The following AMPD3 variants were observed in gnomAD, a reference collection of about 807,000 sequenced individuals.
AMPD3 encodes the protein adenosine monophosphate deaminase 3.
Under a neutral mutation model 82.3 loss-of-function variants are expected in AMPD3, and 57 were observed. The observed-to-expected ratio is 0.69, with a 90% CI of 0.56 to 0.86. The LOEUF (loss-of-function observed/expected upper bound fraction) is 0.86, where lower values mean the gene tolerates loss of function less well. AMPD3 is among the 40% of genes least tolerant of loss of function. The probability of loss-of-function intolerance (pLI) is 0.00; values close to 1 mark genes in which losing one functional copy is unlikely to be tolerated. For synonymous variants in AMPD3, 381 were observed against 394.7 expected (o/e 0.97, Z 0.41); for missense variants, 870 against 1,003.8 (o/e 0.87, Z 1.80).
chr11:10,458,307 C>G, intron 1 of AMPD3, among the ~76,000 whole-genome samples: 1 of 142,956 alleles, frequency 7.0e-6, no homozygotes, highest in Admixed American at 7.2e-5. Context: ...CTCCCTCCCT[C>G]CCTCCCTTCG....
intron 1 of AMPD3, among the ~76,000 whole-genome samples, chr11:10,459,135 C>T (rs1045254510): frequency 2.6e-5 from 4 of 152,158 alleles, no homozygotes; most frequent in South Asian, 2.1e-4. Flanking sequence ...GGCCAGGCCT[C>T]GCTGTCTTGA....
chr11:10,488,458 G>A, intron 6 of AMPD3: 1 of 931,182 alleles, frequency 1.1e-6, no homozygotes, highest in South Asian at 5.0e-5. Context: ...CAGGAGGGAG[G>A]GATGGTATGA....
At chr11:10,459,266 C>T (rs1018117723) in intron 1 of AMPD3, among the ~76,000 whole-genome samples, 4 of 152,150 alleles carry the variant, frequency 2.6e-5, no homozygotes, top group African/African-American at 9.7e-5. Context: ...AGACCTCACT[C>T]TGATTGCCTG....
At chr11:10,492,049 G>A (rs1276875457) in intron 6 of AMPD3, among the ~76,000 whole-genome samples, 2 of 152,214 alleles carry the variant, frequency 1.3e-5, no homozygotes, top group Admixed American at 6.5e-5. Flanking sequence ...CTGGTAGTGA[G>A]GATGAGCTGA....
chr11:10,498,081 A>G (rs113587218), intron 10 of AMPD3, among the ~76,000 whole-genome samples: 1 of 152,252 alleles, frequency 6.6e-6, no homozygotes, highest in African/African-American at 2.4e-5. Context: ...AGGCAGGCTG[A>G]CTCCAGCGAT....
intron 13 of AMPD3, 25 bp from the exon 14 acceptor site, chr11:10,504,524 C>T (rs1449073911): frequency 1.9e-6 from 3 of 1,592,852 alleles, no homozygotes; most frequent in East Asian, 2.2e-5. Context: ...CCCTTCTAAT[C>T]CACATGCTTT....
At chr11:10,485,208 C>T (rs1387187695) in intron 5 of AMPD3, among the ~76,000 whole-genome samples, 169 bp downstream of exon 5, 8 of 152,138 alleles carry the variant, frequency 5.3e-5, no homozygotes, top group Admixed American at 4.6e-4. Flanking sequence ...CAACAGTTTT[C>T]CTTCATAAGC....
intron 5 of AMPD3, chr11:10,486,678 C>G: frequency 1.0e-6 from 1 of 985,404 alleles, no homozygotes; most frequent in Non-Finnish European, 1.2e-6. Flanking sequence ...GCCATTAGGT[C>G]AGGGGGCTGG....
Position 10,484,904 on chromosome 11 carries a change from AG to A in AMPD3, c.680del (p.Gly227AlafsTer32). ...AACCTGGATTACTTGGTCCACATGCAGGGGGGCATCCTCTTTGTGTATGATA... is the reference window on the plus strand; with the variant it reads ...AACCTGGATTACTTGGTCCACATGCAGGGGGCATCCTCTTTGTGTATGATA... Reference protein sequence around the residue: ...PPNLDYLVHMQGGILFVYDNK... With the variant: ...PPNLDYLVHMXGGILFVYDNK... On this transcript the variant is annotated frameshift_variant, in exon 5 of 15. Coordinates refer to ENST00000396553, the MANE Select transcript of AMPD3 (RefSeq NM_001025389.2). LOFTEE classifies it high-confidence loss of function. 6.2e-7 allele frequency: 1 copy of A among 1,613,978 alleles called. No homozygotes were observed. Among genetic ancestry groups the A allele is most frequent in the Non-Finnish European group, 8.5e-7 (1 of 1,179,982 alleles).
intron 2 of AMPD3, among the ~76,000 whole-genome samples, chr11:10,473,843 A>G (rs1848662319): frequency 6.6e-6 from 1 of 152,168 alleles, no homozygotes; most frequent in Non-Finnish European, 1.5e-5. Flanking sequence ...GAAGTGGAGG[A>G]TGCCTGTCCC....
chr11:10,480,714 A>AGAAG (rs1156290487), intron 3 of AMPD3, among the ~76,000 whole-genome samples: 1 of 152,196 alleles, frequency 6.6e-6, no homozygotes, highest in East Asian at 1.9e-4. Flanking sequence ...TGTCAGCTCT[A>AGAAG]GAAGGTAGGT....
At chr11:10,482,270 C>G in intron 4 of AMPD3, 45 bp downstream of exon 4, 1 of 1,601,360 alleles carries the variant, frequency 6.2e-7, no homozygotes, top group Non-Finnish European at 8.5e-7. Context: ...GTGGGCAGAC[C>G]GAGAGCTAGT....
At chr11:10,476,425 G>A (rs1287673962) in intron 2 of AMPD3, among the ~76,000 whole-genome samples, 1 of 151,978 alleles carries the variant, frequency 6.6e-6, no homozygotes, top group Admixed American at 6.6e-5. Context: ...AGCCTGGTAG[G>A]CTGTTGGCTT....
At chr11:10,495,165 C>T in intron 8 of AMPD3, 135 bp downstream of exon 8, 3 of 1,593,656 alleles carry the variant, frequency 1.9e-6, no homozygotes, top group Non-Finnish European at 2.6e-6. Flanking sequence ...GGTGAGGTGC[C>T]CAGGTGCCCA....
chr11:10,496,548 C>T (rs1849406138), intron 9 of AMPD3: 1 of 985,260 alleles, frequency 1.0e-6, no homozygotes, highest in Admixed American at 6.1e-5. Flanking sequence ...GCCAGAATGC[C>T]ACCATCCCAT....
chr11:10,492,875 G>T (rs150653123), intron 6 of AMPD3, among the ~76,000 whole-genome samples: 18 of 152,334 alleles, frequency 1.2e-4, no homozygotes, highest in African/African-American at 4.3e-4. Flanking sequence ...TGGAGAGAAA[G>T]GAGGGCATTC....
chr11:10,485,406 C>T (rs1009200671), intron 5 of AMPD3, among the ~76,000 whole-genome samples: 1 of 152,056 alleles, frequency 6.6e-6, no homozygotes, highest in Admixed American at 6.6e-5. Context: ...GCCACCATGG[C>T]TAATTTTTTA....
At chr11:10,467,614 C>T (rs957713371) in intron 2 of AMPD3, among the ~76,000 whole-genome samples, 1 of 152,182 alleles carries the variant, frequency 6.6e-6, no homozygotes, top group African/African-American at 2.4e-5. Flanking sequence ...TCCAGGAAAA[C>T]TTCCCCAACC....
chr11:10,456,287 C>A lies in AMPD3; in HGVS notation c.-6+839C>A, dbSNP rs1333689134. The stretch of plus-strand genomic sequence containing the variant: ...TCCTACTCCAGCCGGCAGACAGGAC[C>A]CAGCCAGCTGCACGCACGCACTGAC... On this transcript the variant is annotated intron_variant, in intron 1 of 14. Transcript: ENST00000396553. This position sits in a 1 kb window ranked among gnomAD's most constrained non-coding sequence, Gnocchi z 4.3. 2 of 1,590,490 alleles carry A rather than the reference C, an allele frequency of 1.3e-6. No individual in the cohort carries two copies. Among genetic ancestry groups the A allele is most frequent in the Admixed American group, 1.7e-5 (1 of 57,940 alleles).
Sources: gnomAD v4.1 joint callset for allele counts (sites outside exome capture counted in the v4.1 genomes callset) on GRCh38, gnomAD v4.1.1 for gene constraint, Gnocchi (gnomAD v3.1) non-coding constraint, MANE v1.5 for transcripts, NCBI Gene and HGNC (gene_info 2026-07-23, HGNC 2026-07-21) for gene names.